Variants in ERBB4 observed in about 807,000 individuals in gnomAD.
ERBB4 encodes receptor tyrosine-protein kinase erbB-4.
In ERBB4, 42 loss-of-function variants were observed where a neutral mutation model predicts 158.0. The ratio of observed to expected loss-of-function variants is 0.27; its 90% CI spans 0.21 to 0.34. ERBB4 has a LOEUF of 0.34. Among genes scored for constraint, ERBB4 ranks in the 10% least tolerant of loss-of-function variants. The pLI, the probability that ERBB4 is intolerant of heterozygous loss-of-function variation, is 1.00. For missense variants in ERBB4, 1,333 were observed against 1,624.1 expected (o/e 0.82, Z 3.08); for synonymous variants, 583 against 558.7 (o/e 1.04, Z -0.61).
At chr2:211,813,194 T>C (rs116019034) in intron 3 of ERBB4, among the ~76,000 whole-genome samples, 6,060 of 152,302 alleles carry the variant, frequency 0.04, 171 homozygotes, top group African/African-American at 0.074. Context: ...ATCAAGATTG[T>C]TGATTTTAAC....
chr2:212,149,032 G>T lies in ERBB4; in HGVS notation c.83-24129C>A, dbSNP rs1325101742. 9.7e-5 allele frequency among the ~76,000 whole-genome samples: 11 copies of T among 113,396 alleles called. No homozygotes were observed. The East Asian group carries it at 1.6e-3, about 17-fold the overall frequency. 74.4% of individuals were successfully genotyped at this position (113,396 alleles called of 152,430 possible). ...GACTGTTGTGGGGTGGGGGGAGGGG[G>T]GAGGGATAGCATTGGGAGATATACC... On this transcript the variant is annotated intron_variant, in intron 1 of 27. Coordinates refer to ENST00000342788, the MANE Select transcript of ERBB4 (RefSeq NM_005235.3).
intron 20 of ERBB4, among the ~76,000 whole-genome samples, chr2:211,441,199 G>A (rs2063966514): frequency 6.6e-6 from 1 of 152,048 alleles, no homozygotes; most frequent in Admixed American, 6.6e-5. Context: ...CCAGGGCTTT[G>A]TTTCCATCTA....
chr2:211,944,565 C>G (rs2080624600), intron 3 of ERBB4, among the ~76,000 whole-genome samples: 1 of 151,964 alleles, frequency 6.6e-6, no homozygotes, highest in Non-Finnish European at 1.5e-5. Context: ...GAAAGCAAAA[C>G]CTTATCTGTT....
chr2:211,703,743 C>A (rs535277681), intron 11 of ERBB4, among the ~76,000 whole-genome samples: 1 of 152,274 alleles, frequency 6.6e-6, no homozygotes, highest in East Asian at 1.9e-4. Flanking sequence ...CCTCCTGGCA[C>A]AACAGCATTT....
chr2:212,124,682 C>A, intron 2 of ERBB4, 70 bp downstream of exon 2: 1 of 1,552,162 alleles, frequency 6.4e-7, no homozygotes, highest in South Asian at 1.1e-5. Context: ...TATCAGCACA[C>A]AGGTCTGCCT....
chr2:211,457,733 A>G (rs899268712), intron 20 of ERBB4, among the ~76,000 whole-genome samples: 6 of 152,196 alleles, frequency 3.9e-5, no homozygotes, highest in African/African-American at 1.4e-4. Context: ...GTAATCCTCA[A>G]CTATAAAGGC....
chr2:212,515,788 T>C (rs913674712), intron 1 of ERBB4, among the ~76,000 whole-genome samples: 11 of 152,022 alleles, frequency 7.2e-5, no homozygotes, highest in African/African-American at 2.4e-4. Context: ...AATGAACCAT[T>C]AAATACCAAA....
chr2:211,696,475 A>G (rs1169680399), intron 12 of ERBB4, among the ~76,000 whole-genome samples: 2 of 152,060 alleles, frequency 1.3e-5, no homozygotes, highest in Non-Finnish European at 2.9e-5. Context: ...TTCCATTTTT[A>G]AAATGATAAA....
At chr2:212,223,353 A>AT (rs2083366428) in intron 1 of ERBB4, among the ~76,000 whole-genome samples, 1 of 144,876 alleles carries the variant, frequency 6.9e-6, no homozygotes, top group East Asian at 2.0e-4. Flanking sequence ...TATATATAAA[A>AT]TTGTCTTTTC....
intron 1 of ERBB4, among the ~76,000 whole-genome samples, chr2:212,281,954 T>TA (rs933690722): frequency 6.6e-6 from 1 of 151,812 alleles, no homozygotes; most frequent in Non-Finnish European, 1.5e-5. Context: ...TTTATAAAAC[T>TA]AAAAGTCAAA....
intron 20 of ERBB4, among the ~76,000 whole-genome samples, chr2:211,468,085 C>A (rs2064740457): frequency 6.6e-6 from 1 of 152,074 alleles, no homozygotes; most frequent in Non-Finnish European, 1.5e-5. Context: ...TAATTAGATG[C>A]AAGTAGATTT....
At position 211,947,626 on chromosome 2, in the gene ERBB4, CACAA is replaced by C. The variant is rs758651136; in HGVS notation, c.235-14_235-11del. The C allele has an allele frequency of 6.2e-7, 1 of 1,612,076 alleles. No individual in the cohort carries two copies. Among genetic ancestry groups the C allele is most frequent in the African/African-American group, 1.3e-5 (1 of 75,032 alleles). ...TGACTTCTCGAACAGACTGAAAAGACACAAACAGTTGCCTGTGTTATAAAACGAA... is the reference window on the plus strand; with the variant it reads ...TGACTTCTCGAACAGACTGAAAAGACACAGTTGCCTGTGTTATAAAACGAA... On this transcript the variant is annotated splice_polypyrimidine_tract_variant and intron_variant, in intron 2 of 27. Transcript: ENST00000342788.
At chr2:211,708,170 A>G (rs1243109782) in intron 9 of ERBB4, among the ~76,000 whole-genome samples, 2 of 152,100 alleles carry the variant, frequency 1.3e-5, no homozygotes, top group African/African-American at 4.8e-5. Flanking sequence ...TAACATGTCT[A>G]ATTCTACTGA....
chr2:212,508,902 C>T (rs1320806782), intron 1 of ERBB4, among the ~76,000 whole-genome samples: 5 of 152,058 alleles, frequency 3.3e-5, no homozygotes, highest in Non-Finnish European at 5.9e-5. Flanking sequence ...CTGCCAATTT[C>T]AATAATTGAT....
chr2:211,671,207 T>C (rs1851170), intron 14 of ERBB4, among the ~76,000 whole-genome samples: 59,805 of 151,894 alleles, frequency 0.39, 12,507 homozygotes, highest in Middle Eastern at 0.51. Flanking sequence ...GAAAAGATAA[T>C]GTGAAAAAAT....
intron 12 of ERBB4, among the ~76,000 whole-genome samples, chr2:211,699,233 T>C (rs189461887): frequency 3.9e-4 from 60 of 152,334 alleles, no homozygotes; most frequent in South Asian, 6.2e-4. Flanking sequence ...TATGCATGTG[T>C]GTTGTATGTG....
intron 1 of ERBB4, among the ~76,000 whole-genome samples, chr2:212,377,320 A>G (rs1015153991): frequency 8.6e-5 from 13 of 150,972 alleles, no homozygotes; most frequent in African/African-American, 2.7e-4. Flanking sequence ...CAGCTCTTCT[A>G]TAGAGATATG....
At chr2:211,609,317 C>T (rs1419013110) in intron 19 of ERBB4, among the ~76,000 whole-genome samples, 1 of 152,096 alleles carries the variant, frequency 6.6e-6, no homozygotes, top group Non-Finnish European at 1.5e-5. Context: ...CAGAGAGGGC[C>T]CTGCCCCCAC....
At chr2:212,026,550 A>G (rs2076776900) in intron 2 of ERBB4, among the ~76,000 whole-genome samples, 1 of 151,854 alleles carries the variant, frequency 6.6e-6, no homozygotes, top group Non-Finnish European at 1.5e-5. Flanking sequence ...GTGAATTATT[A>G]TAAACACACC....
Sources: gnomAD v4.1 joint callset for allele counts (sites outside exome capture counted in the v4.1 genomes callset) on GRCh38, gnomAD v4.1.1 for gene constraint, MANE v1.5 for transcripts, NCBI Gene and HGNC (gene_info 2026-07-23, HGNC 2026-07-21) for gene names.